COL24A1: variants seen among roughly 807,000 people sequenced by gnomAD.
COL24A1 encodes collagen type XXIV alpha 1 chain, also known as collagen alpha-1(XXIV) chain.
In COL24A1, 224 loss-of-function variants were observed where a neutral mutation model predicts 253.9. The ratio of observed to expected loss-of-function variants is 0.88; its 90% CI spans 0.79 to 0.99. The LOEUF (loss-of-function observed/expected upper bound fraction) is 0.99. Among genes scored for constraint, COL24A1 ranks in the 50% least tolerant of loss-of-function variants. COL24A1 has a pLI of 0.00. For missense variants in COL24A1, 2,131 were observed against 2,068.5 expected (o/e 1.03, Z -0.59); for synonymous variants, 685 against 673.7 (o/e 1.02, Z -0.26).
intron 47 of COL24A1, among the ~76,000 whole-genome samples, chr1:85,796,925 G>A (rs1427653465): frequency 6.6e-6 from 1 of 152,002 alleles, no homozygotes; most frequent in Non-Finnish European, 1.5e-5. Context: ...TCCTGGCCGG[G>A]CACGGTGGCT....
chr1:85,978,343 C>T (rs894442159), intron 20 of COL24A1, among the ~76,000 whole-genome samples: 6 of 151,886 alleles, frequency 4.0e-5, no homozygotes, highest in Non-Finnish European at 7.4e-5. Flanking sequence ...GATATTCAGG[C>T]AACAACTAAC....
intron 4 of COL24A1, among the ~76,000 whole-genome samples, chr1:86,113,302 G>C (rs1331035543): frequency 6.6e-6 from 1 of 152,120 alleles, no homozygotes; most frequent in East Asian, 1.9e-4. Flanking sequence ...GTAAGTAGAG[G>C]AACAGATCAC....
At chr1:86,040,421 C>T (rs568991152) in intron 12 of COL24A1, among the ~76,000 whole-genome samples, 3 of 149,996 alleles carry the variant, frequency 2.0e-5, no homozygotes, top group East Asian at 2.0e-4. Context: ...CCCACTAACT[C>T]GTCATCTAGC....
chr1:86,114,056 C>A (rs2102174412), intron 4 of COL24A1, among the ~76,000 whole-genome samples: 1 of 151,958 alleles, frequency 6.6e-6, no homozygotes, highest in Non-Finnish European at 1.5e-5. Context: ...AAAACAATAG[C>A]TTTAGGAAAA....
chr1:86,068,725 A>AT (rs1349387459), intron 7 of COL24A1, among the ~76,000 whole-genome samples: 2 of 152,230 alleles, frequency 1.3e-5, no homozygotes, highest in Admixed American at 1.3e-4. Context: ...TCCCTTCTGC[A>AT]TAAGGAGAGA....
At chr1:85,918,480 C>T (rs1571213848) in intron 24 of COL24A1, among the ~76,000 whole-genome samples, 1 of 152,272 alleles carries the variant, frequency 6.6e-6, no homozygotes, top group East Asian at 1.9e-4. Context: ...AAATTTCTCT[C>T]ACTCCATTTT....
intron 43 of COL24A1, among the ~76,000 whole-genome samples, chr1:85,828,117 T>A (rs1674648647): frequency 6.6e-6 from 1 of 152,120 alleles, no homozygotes; most frequent in South Asian, 2.1e-4. Flanking sequence ...TTCTGGTATG[T>A]TGTGTCTTTG....
At chr1:86,156,064 C>T (rs1653561161) in intron 1 of COL24A1, 1 of 348,614 alleles carries the variant, frequency 2.9e-6, no homozygotes, top group African/African-American at 2.1e-5. Flanking sequence ...AGCCGCTGCC[C>T]TGGACCTCGG....
rs1684933221 is a variant in COL24A1, at chr1:85,907,251, T to C, written c.2725-4A>G. On this transcript the variant is annotated splice_region_variant and splice_polypyrimidine_tract_variant and intron_variant, in intron 27 of 59. Transcript: ENST00000370571. ...GTCCTCTTGCCCCCACATGACCCTA[T>C]ATGTTGTAAATTTAAAGTCAGTTGT... The C allele has an allele frequency of 6.8e-6, 11 of 1,609,660 alleles. No homozygotes were observed. Among genetic ancestry groups the C allele is most frequent in the Admixed American group, 6.7e-5 (4 of 59,812 alleles).
intron 11 of COL24A1, among the ~76,000 whole-genome samples, chr1:86,049,282 T>C (rs1700136855): frequency 6.6e-6 from 1 of 152,230 alleles, no homozygotes; most frequent in Non-Finnish European, 1.5e-5. Flanking sequence ...TGCAGGGGCA[T>C]TCACAAGTAA....
At chr1:85,950,210 A>G (rs779130774) in intron 24 of COL24A1, among the ~76,000 whole-genome samples, 1 of 152,188 alleles carries the variant, frequency 6.6e-6, no homozygotes, top group Admixed American at 6.5e-5. Flanking sequence ...ATTTTTTTTA[A>G]CTATTTATCT....
At chr1:85,959,215 A>T (rs1023609478) in intron 24 of COL24A1, among the ~76,000 whole-genome samples, 10 of 152,164 alleles carry the variant, frequency 6.6e-5, no homozygotes, top group African/African-American at 2.4e-4. Context: ...AGCCAGAATT[A>T]CTGAGAGCCA....
intron 2 of COL24A1, among the ~76,000 whole-genome samples, chr1:86,140,887 C>T (rs1233688353): frequency 6.6e-6 from 1 of 152,150 alleles, no homozygotes; most frequent in African/African-American, 2.4e-5. Context: ...ACACCTAAAA[C>T]TTGGACATAA....
intron 24 of COL24A1, among the ~76,000 whole-genome samples, chr1:85,935,480 A>AC (rs1688178185): frequency 6.8e-6 from 1 of 147,592 alleles, no homozygotes; most frequent in South Asian, 2.4e-4. Context: ...CCTTTGGATC[A>AC]CTTCACTCCT....
At chr1:85,761,714 G>C in intron 53 of COL24A1, 148 bp from the exon 54 acceptor site, 2 of 695,074 alleles carry the variant, frequency 2.9e-6, no homozygotes, top group Non-Finnish European at 5.0e-6. Flanking sequence ...AAAGTTATAT[G>C]CTGTGGTACT....
chr1:85,957,071 T>A (rs1276245690), intron 24 of COL24A1, among the ~76,000 whole-genome samples: 2 of 152,156 alleles, frequency 1.3e-5, no homozygotes, highest in African/African-American at 4.8e-5. Context: ...ACCATCATTC[T>A]CAGCAAACTA....
intron 2 of COL24A1, among the ~76,000 whole-genome samples, chr1:86,141,910 G>T (rs1651149258): frequency 6.6e-6 from 1 of 151,798 alleles, no homozygotes; most frequent in African/African-American, 2.4e-5. Context: ...CACCATTTTG[G>T]CCAGGCTCGA....
At position 86,156,423 on chromosome 1, in the gene COL24A1, G is replaced by A. The variant is rs200144387; in HGVS notation, c.-27C>T. On this transcript the variant is annotated 5_prime_UTR_variant, in exon 1 of 60. Coordinates refer to ENST00000370571, the MANE Select transcript of COL24A1 (RefSeq NM_152890.7). Reference sequence around the variant, plus strand: ...TGTATGCATTTGTCCGTGCAGCAAAGCGCTAACGGAAAACAGAAGCCAACT... The same window carrying A: ...TGTATGCATTTGTCCGTGCAGCAAAACGCTAACGGAAAACAGAAGCCAACT... The A allele has an allele frequency of 5.1e-4, 817 of 1,605,246 alleles. No homozygotes were observed. Among genetic ancestry groups the A allele is most frequent in the Non-Finnish European group, 6.6e-4 (776 of 1,176,032 alleles).
At position 85,786,347 on chromosome 1, in the gene COL24A1, A is replaced by T. The variant is rs1333722206; in HGVS notation, c.4059+7T>A. The T allele has an allele frequency of 6.2e-7, 1 of 1,612,580 alleles. No individual in the cohort carries two copies. The highest frequency in any genetic ancestry group is 1.1e-5 in the South Asian group (1 of 90,918). ...TGCTTACCCATTGGAACAAAATATT[A>T]AAGTACCTTTGGGCCTTGAATTCCT... On this transcript the variant is annotated splice_region_variant and intron_variant, in intron 48 of 59. Transcript: ENST00000370571.
Sources: gnomAD v4.1 joint callset for allele counts (sites outside exome capture counted in the v4.1 genomes callset) on GRCh38, gnomAD v4.1.1 for gene constraint, MANE v1.5 for transcripts, NCBI Gene and HGNC (gene_info 2026-07-23, HGNC 2026-07-21) for gene names.